The following CSMD1 variants were observed in gnomAD, a reference collection of about 807,000 sequenced individuals.
CSMD1 encodes CUB and sushi domain-containing protein 1.
A neutral mutation model predicts 417.5 loss-of-function variants in CSMD1; 213 were observed. The observed-to-expected ratio is 0.51, with a 90% confidence interval of 0.46 to 0.57. CSMD1 has a LOEUF of 0.57. Among genes scored for constraint, CSMD1 ranks in the 20% least tolerant of loss-of-function variants. The pLI, the probability that CSMD1 is intolerant of heterozygous loss-of-function variation, is 0.00. For missense variants in CSMD1, 6,923 were observed against 4,529.7 expected (o/e 1.53, Z -15.17); for synonymous variants, 2,862 against 1,736.8 (o/e 1.65, Z -16.11).
intron 8 of CSMD1, among the ~76,000 whole-genome samples, chr8:3,597,836 G>A (rs138263663): frequency 0.021 from 3,192 of 152,192 alleles, 119 homozygotes; most frequent in African/African-American, 0.073. Flanking sequence ...GGGCCTGTCG[G>A]GGGGTTGGGG....
intron 3 of CSMD1, among the ~76,000 whole-genome samples, chr8:4,269,203 C>T (rs572170172): frequency 3.3e-5 from 5 of 152,082 alleles, no homozygotes; most frequent in African/African-American, 4.8e-5. Flanking sequence ...ACTACAGACC[C>T]GAGCCACCAC....
chr8:3,330,087 C>A (rs1235062247), intron 23 of CSMD1, among the ~76,000 whole-genome samples: 1 of 152,142 alleles, frequency 6.6e-6, no homozygotes, highest in African/African-American at 2.4e-5. Flanking sequence ...GGGTGCAGCT[C>A]CTCCCAGGTC....
At chr8:3,922,860 A>G (rs1809372278) in intron 5 of CSMD1, among the ~76,000 whole-genome samples, 1 of 152,102 alleles carries the variant, frequency 6.6e-6, no homozygotes, top group African/African-American at 2.4e-5. Context: ...AGATATTGGG[A>G]TATGTGGAGG....
intron 10 of CSMD1, among the ~76,000 whole-genome samples, chr8:3,545,905 T>C (rs2086583): frequency 0.38 from 57,251 of 152,058 alleles, 11,387 homozygotes; most frequent in East Asian, 0.48. Flanking sequence ...AAAATTATAG[T>C]GAATGCATAG....
intron 14 of CSMD1, among the ~76,000 whole-genome samples, chr8:3,407,423 G>A (rs1812418285): frequency 2.0e-5 from 3 of 151,116 alleles, no homozygotes; most frequent in Admixed American, 2.0e-4. Context: ...ATGGAAGGAT[G>A]GATGGATAGA....
At chr8:4,367,245 TC>T (rs1228528371) in intron 3 of CSMD1, among the ~76,000 whole-genome samples, 1 of 152,152 alleles carries the variant, frequency 6.6e-6, no homozygotes, top group African/African-American at 2.4e-5. Context: ...AGGGGTCCAG[TC>T]TCATAAGTCC....
intron 38 of CSMD1, among the ~76,000 whole-genome samples, chr8:3,158,236 C>T (rs994386642): frequency 6.6e-6 from 1 of 152,078 alleles, no homozygotes; most frequent in Non-Finnish European, 1.5e-5. Context: ...GACTCAGCTC[C>T]TTTCTTGATA....
chr8:3,517,752 T>C (rs1374571092), intron 10 of CSMD1, among the ~76,000 whole-genome samples: 2 of 152,172 alleles, frequency 1.3e-5, no homozygotes, highest in Non-Finnish European at 2.9e-5. Context: ...TTAATTAAAA[T>C]GAAGAATTCA....
chr8:3,467,355 C>A (rs529051204), intron 12 of CSMD1, among the ~76,000 whole-genome samples: 1 of 152,140 alleles, frequency 6.6e-6, no homozygotes, highest in African/African-American at 2.4e-5. Flanking sequence ...TCAGATTCTA[C>A]CAAAGGCAGC....
chr8:4,025,907 T>C (rs972065302), intron 4 of CSMD1, among the ~76,000 whole-genome samples: 24 of 152,130 alleles, frequency 1.6e-4, no homozygotes, highest in East Asian at 5.8e-4. Context: ...TTAGGTGTCA[T>C]TATTCAGGGA....
In CSMD1 at chr8:4,033,792, T is replaced by C. The variant is rs189089687; in HGVS notation, c.416-1693A>G. ...CCTCTCACTTTTTCCTTGATATGAT[T>C]CTCTATCTAAATCAATTGACTTGAA... On this transcript the variant is annotated intron_variant, in intron 3 of 69. Coordinates refer to ENST00000635120, the MANE Select transcript of CSMD1 (RefSeq NM_033225.6). 3.3e-3 allele frequency among the ~76,000 whole-genome samples: 509 copies of C among 152,290 alleles called. 3 individuals carry two copies. Among genetic ancestry groups the C allele is most frequent in the African/African-American group, 9.1e-3 (377 of 41,558 alleles).
At chr8:3,180,990 G>T (rs1301861825) in intron 37 of CSMD1, 120 bp downstream of exon 37, 1 of 685,276 alleles carries the variant, frequency 1.5e-6, no homozygotes. Flanking sequence ...TTTCATGCAA[G>T]TCTTTCACAG....
intron 23 of CSMD1, among the ~76,000 whole-genome samples, chr8:3,309,698 T>G (rs1805178459): frequency 6.6e-6 from 1 of 152,038 alleles, no homozygotes; most frequent in Non-Finnish European, 1.5e-5. Context: ...AATGCTTTCT[T>G]TTCTCAAAAA....
At chr8:4,131,824 G>A (rs559045793) in intron 3 of CSMD1, among the ~76,000 whole-genome samples, 26 of 140,802 alleles carry the variant, frequency 1.8e-4, no homozygotes, top group African/African-American at 6.0e-4. Context: ...CTGCAGTGGT[G>A]CGATCCCGGC....
chr8:3,911,773 C>A (rs1311825348), intron 5 of CSMD1, among the ~76,000 whole-genome samples: 1 of 152,136 alleles, frequency 6.6e-6, no homozygotes, highest in Non-Finnish European at 1.5e-5. Context: ...ATCTCACCAG[C>A]CTCATTTCTC....
At chr8:4,379,541 CTG>C (rs1215391943) in intron 3 of CSMD1, among the ~76,000 whole-genome samples, 1 of 152,080 alleles carries the variant, frequency 6.6e-6, no homozygotes, top group African/African-American at 2.4e-5. Flanking sequence ...TATAGGATGT[CTG>C]TATTATTTTT....
At chr8:4,319,458 T>A (rs540871382) in intron 3 of CSMD1, among the ~76,000 whole-genome samples, 2 of 152,150 alleles carry the variant, frequency 1.3e-5, no homozygotes, top group Non-Finnish European at 2.9e-5. Context: ...AAATAATAGC[T>A]ACTCCTTCTT....
At chr8:4,317,927 T>C (rs1024024543) in intron 3 of CSMD1, among the ~76,000 whole-genome samples, 5 of 152,200 alleles carry the variant, frequency 3.3e-5, no homozygotes, top group Non-Finnish European at 7.3e-5. Context: ...ATGTCAAGAA[T>C]GATGTAATAT....
intron 5 of CSMD1, among the ~76,000 whole-genome samples, chr8:3,807,216 A>G (rs958787286): frequency 9.2e-5 from 14 of 152,186 alleles, no homozygotes; most frequent in African/African-American, 3.1e-4. Flanking sequence ...AAGCCAGGAC[A>G]TTGATAAACC....
Sources: allele counts gnomAD v4.1 joint callset (sites outside exome capture counted in the v4.1 genomes callset), GRCh38; gene constraint gnomAD v4.1.1; transcripts MANE v1.5; gene names NCBI Gene and HGNC (gene_info 2026-07-23, HGNC 2026-07-21).